Variants in KIAA1217 observed in about 807,000 individuals in gnomAD.
The protein encoded by KIAA1217 is KIAA1217.
Under a neutral mutation model 163.9 loss-of-function variants are expected in KIAA1217, and 88 were observed. The ratio of observed to expected loss-of-function variants is 0.54; its 90% CI spans 0.45 to 0.64. KIAA1217 has a LOEUF of 0.64. Among genes scored for constraint, KIAA1217 ranks in the 30% least tolerant of loss-of-function variants. KIAA1217 has a pLI of 0.00. For synonymous variants in KIAA1217, 903 were observed against 923.1 expected, an observed-to-expected ratio of 0.98 and a Z score of 0.39; for missense variants, 2,372 against 2,475.0, an observed-to-expected ratio of 0.96 and a Z score of 0.88.
chr10:24,200,206 T>A (rs1221585261), intron 2 of KIAA1217, among the ~76,000 whole-genome samples: 1 of 151,308 alleles, frequency 6.6e-6, no homozygotes, highest in Non-Finnish European at 1.5e-5. Context: ...TTTTTCATTA[T>A]TTTTTAATTT....
At chr10:23,708,364 G>C (rs1837023759) in intron 1 of KIAA1217, among the ~76,000 whole-genome samples, 1 of 152,180 alleles carries the variant, frequency 6.6e-6, no homozygotes, top group Non-Finnish European at 1.5e-5. Flanking sequence ...GCAGCAGAAG[G>C]AGGGTACACA....
In KIAA1217 at chr10:24,380,876, G is replaced by T. The variant is rs756395776; in HGVS notation, c.362G>T (p.Ser121Ile). The T allele has an allele frequency of 2.6e-6, 4 of 1,526,818 alleles. No homozygotes were observed. Among genetic ancestry groups the T allele is most frequent in the Non-Finnish European group, 3.5e-6 (4 of 1,134,708 alleles). 94.6% of individuals were successfully genotyped at this position (1,526,818 alleles called of 1,614,324 possible). ...TTAAAATGCCTTTTGCAGACAAGGA[G>T]CCCCAAACTGTCTCACAGTCCTCAA... is the stretch of plus-strand genomic sequence containing the variant. ...HQERLRDQTR[S>I]PKLSHSPQPP... Residue 121 changes from serine (S) to isoleucine (I), a missense_variant, in exon 3 of 21, where the codon AGC (serine) becomes ATC (isoleucine). This residue lies in a region of KIAA1217 where 1,431 missense variants were observed against 1,470.3 expected (regional missense o/e 0.97). Transcript: ENST00000376454.
intron 1 of KIAA1217, among the ~76,000 whole-genome samples, chr10:23,712,604 A>G (rs1002766870): frequency 1.3e-5 from 2 of 151,996 alleles, no homozygotes; most frequent in African/African-American, 4.8e-5. Flanking sequence ...ACTTTTTTTT[A>G]AGCTTTTGAC....
At chr10:23,857,506 C>T (rs1310394030) in intron 1 of KIAA1217, among the ~76,000 whole-genome samples, 3 of 152,138 alleles carry the variant, frequency 2.0e-5, no homozygotes, top group Non-Finnish European at 2.9e-5. Flanking sequence ...GTATTCATGC[C>T]CTTGTGCCTC....
chr10:23,715,633 G>T (rs1837522523), intron 1 of KIAA1217, among the ~76,000 whole-genome samples: 1 of 152,078 alleles, frequency 6.6e-6, no homozygotes, highest in Non-Finnish European at 1.5e-5. Context: ...GATTTAAAAT[G>T]AGCATGAAGT....
chr10:24,416,394 G>C (rs561291878), intron 3 of KIAA1217, among the ~76,000 whole-genome samples: 3 of 152,310 alleles, frequency 2.0e-5, no homozygotes, highest in African/African-American at 7.2e-5. Context: ...AGAGTGGACA[G>C]CACAACTTGA....
At chr10:23,872,859 T>C (rs1840525054) in intron 1 of KIAA1217, among the ~76,000 whole-genome samples, 1 of 152,102 alleles carries the variant, frequency 6.6e-6, no homozygotes, top group Admixed American at 6.6e-5. Flanking sequence ...CCAGAGTTTT[T>C]CCTTAGTTGA....
chr10:24,537,267 A>G (rs1352836041), intron 17 of KIAA1217, among the ~76,000 whole-genome samples: 1 of 152,166 alleles, frequency 6.6e-6, no homozygotes, highest in Non-Finnish European at 1.5e-5. Flanking sequence ...AAACAACTAT[A>G]TATGTTAAGA....
At chr10:24,514,839 A>C (rs1451907338) in intron 10 of KIAA1217, among the ~76,000 whole-genome samples, 1 of 151,684 alleles carries the variant, frequency 6.6e-6, no homozygotes, top group East Asian at 2.0e-4. Flanking sequence ...AAAATACAAA[A>C]AAAATAGCTG....
At chr10:24,238,611 A>G (rs1212057266) in intron 2 of KIAA1217, among the ~76,000 whole-genome samples, 1 of 151,634 alleles carries the variant, frequency 6.6e-6, no homozygotes, top group Non-Finnish European at 1.5e-5. Context: ...GGGGAAATGC[A>G]CACACACACA....
chr10:24,452,170 C>G (rs1272259918), intron 5 of KIAA1217, among the ~76,000 whole-genome samples: 2 of 152,060 alleles, frequency 1.3e-5, no homozygotes, highest in African/African-American at 4.8e-5. Context: ...CCTAGTTTTT[C>G]TTGTGGAGCA....
intron 2 of KIAA1217, among the ~76,000 whole-genome samples, chr10:24,302,757 C>T (rs1384374584): frequency 6.6e-6 from 1 of 152,016 alleles, no homozygotes; most frequent in Non-Finnish European, 1.5e-5. Flanking sequence ...GATGAAAGGA[C>T]ACTTTGAGCA....
intron 1 of KIAA1217, among the ~76,000 whole-genome samples, chr10:23,847,788 A>G (rs951074523): frequency 6.6e-6 from 1 of 151,732 alleles, no homozygotes; most frequent in African/African-American, 2.4e-5. Context: ...TTGCTTCTCT[A>G]GTTCTTTCAA....
chr10:23,807,039 A>G (rs1836774403), intron 1 of KIAA1217, among the ~76,000 whole-genome samples: 1 of 152,180 alleles, frequency 6.6e-6, no homozygotes, highest in Non-Finnish European at 1.5e-5. Context: ...TGCTCCTGCT[A>G]AAGAGGGCAG....
intron 9 of KIAA1217, among the ~76,000 whole-genome samples, chr10:24,512,037 A>T (rs2069256571): frequency 6.6e-6 from 1 of 152,166 alleles, no homozygotes; most frequent in South Asian, 2.1e-4. Context: ...TGGAAATCGA[A>T]CCCAGGCAGT....
chr10:23,814,129 T>C (rs951969794), intron 1 of KIAA1217, among the ~76,000 whole-genome samples: 2 of 152,128 alleles, frequency 1.3e-5, no homozygotes, highest in Non-Finnish European at 2.9e-5. Flanking sequence ...AAATTATCTC[T>C]GAGAGAGATG....
At chr10:24,136,739 A>T (rs1219121792) in intron 2 of KIAA1217, among the ~76,000 whole-genome samples, 1 of 152,188 alleles carries the variant, frequency 6.6e-6, no homozygotes, top group Non-Finnish European at 1.5e-5. Context: ...TCCAATAACA[A>T]CATATTTTGA....
At chr10:24,095,015 C>T (rs763459647) in intron 2 of KIAA1217, among the ~76,000 whole-genome samples, 13 of 152,168 alleles carry the variant, frequency 8.5e-5, no homozygotes, top group African/African-American at 2.4e-4. Context: ...AGTGAGACTC[C>T]GTGGGCATAG....
chr10:23,985,336 AC>A (rs965530207), intron 1 of KIAA1217, among the ~76,000 whole-genome samples: 51 of 152,294 alleles, frequency 3.3e-4, no homozygotes, highest in African/African-American at 1.2e-3. Context: ...TTCTATTTGC[AC>A]ACTGGTCTTT....
Sources: allele counts gnomAD v4.1 joint callset (sites outside exome capture counted in the v4.1 genomes callset), GRCh38; gene constraint gnomAD v4.1.1; regional missense constraint gnomAD v4.1.1; transcripts MANE v1.5; gene names NCBI Gene and HGNC (gene_info 2026-07-23, HGNC 2026-07-21).